Variants in TTC7B observed in about 807,000 individuals in gnomAD.
TTC7B encodes tetratricopeptide repeat domain 7B.
Under a neutral mutation model 106.8 loss-of-function variants are expected in TTC7B, and 28 were observed. That is an observed-to-expected ratio of 0.26 (90% confidence interval 0.19 to 0.36). The LOEUF (loss-of-function observed/expected upper bound fraction) is 0.36, where lower values mean the gene tolerates loss of function less well. Ranked by LOEUF, TTC7B falls within the 10% of genes least tolerant of loss-of-function variation. The pLI is 1.00. For missense variants in TTC7B, 862 were observed against 1,076.4 expected (o/e 0.80, Z 2.79); for synonymous variants, 405 against 430.6 (o/e 0.94, Z 0.74).
chr14:90,623,099 T>C (rs4904713), intron 15 of TTC7B, among the ~76,000 whole-genome samples: 58,348 of 151,948 alleles, frequency 0.38, 12,875 homozygotes, highest in African/African-American at 0.61. Flanking sequence ...AAATAGCAAC[T>C]CCTCACTGAA....
At chr14:90,749,576 T>C (rs1452742821) in intron 3 of TTC7B, among the ~76,000 whole-genome samples, 2 of 152,032 alleles carry the variant, frequency 1.3e-5, no homozygotes, top group Non-Finnish European at 2.9e-5. Context: ...TGGCTAATTT[T>C]GTATTTTTAG....
chr14:90,594,084 A>G (rs1259117168), intron 17 of TTC7B, among the ~76,000 whole-genome samples: 1 of 152,174 alleles, frequency 6.6e-6, no homozygotes, highest in Non-Finnish European at 1.5e-5. Context: ...AAACCCAGCA[A>G]CTTCCCGTTT....
chr14:90,717,771 C>A (rs1048603084), intron 5 of TTC7B, among the ~76,000 whole-genome samples: 11 of 152,270 alleles, frequency 7.2e-5, no homozygotes, highest in African/African-American at 2.4e-4. Context: ...CATTTGACAC[C>A]TAAACCCGGG....
intron 3 of TTC7B, among the ~76,000 whole-genome samples, chr14:90,775,207 G>A (rs1183679506): frequency 6.6e-6 from 1 of 152,080 alleles, no homozygotes; most frequent in Non-Finnish European, 1.5e-5. Context: ...GTTACCTGGG[G>A]CATCTGAAGA....
chr14:90,612,481 C>T (rs1427168530), intron 16 of TTC7B, among the ~76,000 whole-genome samples: 2 of 152,132 alleles, frequency 1.3e-5, no homozygotes, highest in Non-Finnish European at 2.9e-5. Context: ...CCAAGACACA[C>T]GATGAGGTAT....
chr14:90,719,949 C>A (rs1888823838), intron 5 of TTC7B, among the ~76,000 whole-genome samples: 1 of 152,004 alleles, frequency 6.6e-6, no homozygotes, highest in Admixed American at 6.5e-5. Flanking sequence ...CCACATGCGA[C>A]CCAGGATGAC....
chr14:90,741,458 G>A (rs560288235), intron 4 of TTC7B, among the ~76,000 whole-genome samples: 1 of 152,284 alleles, frequency 6.6e-6, no homozygotes, highest in South Asian at 2.1e-4. Flanking sequence ...GAATGGCGGG[G>A]AAGTGACAGG....
chr14:90,643,786 T>G (rs1025685088), intron 15 of TTC7B, among the ~76,000 whole-genome samples: 6 of 152,116 alleles, frequency 3.9e-5, no homozygotes. Context: ...CTTCACCATA[T>G]TGTCCAGGCT....
In TTC7B at chr14:90,815,636, C is replaced by G. The variant is rs577038194; in HGVS notation, c.121+539G>C. ...CCCAGCCTGCTTTCTACCACCACCC[C>G]ACACACCTCGAGTCTGCGCTTCCAC... On this transcript the variant is annotated intron_variant, in intron 1 of 19. Transcript: ENST00000328459. Among the ~76,000 whole-genome samples the G allele has an allele frequency of 4.9e-4, 75 of 152,254 alleles. 2 individuals carry two copies. In the South Asian group the frequency reaches 0.016, roughly 32 times the overall value.
Position 90,739,446 on chromosome 14 carries a change from G to A in TTC7B, c.576+5346C>T, listed in dbSNP as rs142141158. On this transcript the variant is annotated intron_variant, in intron 4 of 19. Coordinates refer to ENST00000328459, the MANE Select transcript of TTC7B (RefSeq NM_001010854.2). ...GGACACCTGGTTCCAGTTCAAGACC[G>A]GCAGTAACCTGCATCTAATCCAGTT... is the stretch of plus-strand genomic sequence containing the variant. Among the ~76,000 whole-genome samples the A allele has an allele frequency of 3.9e-5, 6 of 152,248 alleles. No homozygotes were observed. The East Asian group carries it at 5.8e-4, about 15-fold the overall frequency.
intron 16 of TTC7B, among the ~76,000 whole-genome samples, chr14:90,613,064 T>C (rs1041630875): frequency 2.0e-5 from 3 of 152,310 alleles, no homozygotes; most frequent in African/African-American, 7.2e-5. Context: ...CTATTCAACA[T>C]AGAGATGCTT....
At chr14:90,751,342 C>A (rs566462190) in intron 3 of TTC7B, among the ~76,000 whole-genome samples, 3 of 152,122 alleles carry the variant, frequency 2.0e-5, no homozygotes, top group Non-Finnish European at 4.4e-5. Flanking sequence ...CACACAAGAG[C>A]GCTCCCACAG....
rs1308186616 is a variant in TTC7B at position 90,799,438 on chromosome 14, A to T, written c.122-13110T>A. On this transcript the variant is annotated intron_variant, in intron 1 of 19. Coordinates refer to ENST00000328459, the MANE Select transcript of TTC7B (RefSeq NM_001010854.2). The stretch of plus-strand genomic sequence containing the variant: ...GACAGGGAAGACAAAGAGATAAACC[A>T]GAAAAGGGCCAGACAGTGGTAAGAG... Among the ~76,000 whole-genome samples, 11 of 152,340 alleles carry T rather than the reference A, an allele frequency of 7.2e-5. No individual in the cohort carries two copies. In the South Asian group the frequency reaches 2.3e-3, roughly 32 times the overall value.
intron 15 of TTC7B, among the ~76,000 whole-genome samples, chr14:90,621,583 C>T (rs1437168151): frequency 2.6e-5 from 4 of 151,508 alleles, no homozygotes; most frequent in Non-Finnish European, 5.9e-5. Context: ...CGAGTATGGC[C>T]GGAATGATAG....
chr14:90,552,745 G>T (rs1162431686), intron 19 of TTC7B, among the ~76,000 whole-genome samples: 2 of 152,216 alleles, frequency 1.3e-5, no homozygotes, highest in Admixed American at 6.5e-5. Context: ...AGCTCCAGAA[G>T]ATGTGAGCGG....
At chr14:90,654,273 T>A (rs1174136735) in intron 12 of TTC7B, among the ~76,000 whole-genome samples, 4 of 152,208 alleles carry the variant, frequency 2.6e-5, no homozygotes, top group Admixed American at 2.6e-4. Context: ...TTATACTAAT[T>A]AAAATTCATT....
At chr14:90,632,289 G>A (rs1884734723) in intron 15 of TTC7B, among the ~76,000 whole-genome samples, 1 of 152,072 alleles carries the variant, frequency 6.6e-6, no homozygotes, top group Non-Finnish European at 1.5e-5. Context: ...CAAAAAATTT[G>A]CCCACAACCC....
chr14:90,787,037 C>A (rs1435634109), intron 1 of TTC7B, among the ~76,000 whole-genome samples: 2 of 152,168 alleles, frequency 1.3e-5, no homozygotes, highest in Non-Finnish European at 2.9e-5. Context: ...AGCTCTGGTG[C>A]TGTATTCTAT....
intron 4 of TTC7B, among the ~76,000 whole-genome samples, chr14:90,738,642 AG>A (rs1466167224): frequency 6.6e-6 from 1 of 152,138 alleles, no homozygotes; most frequent in African/African-American, 2.4e-5. Flanking sequence ...ACTTGTAGAA[AG>A]CAACTGGACA....
Sources: allele counts gnomAD v4.1 joint callset (sites outside exome capture counted in the v4.1 genomes callset), GRCh38; gene constraint gnomAD v4.1.1; transcripts MANE v1.5; gene names NCBI Gene and HGNC (gene_info 2026-07-23, HGNC 2026-07-21).